The following PTPN2 variants were observed in gnomAD, a reference collection of about 807,000 sequenced individuals.
PTPN2 encodes the protein tyrosine-protein phosphatase non-receptor type 2.
Under a neutral mutation model 57.3 loss-of-function variants are expected in PTPN2, and 19 were observed. The observed-to-expected ratio is 0.33, with a 90% CI of 0.23 to 0.49. The LOEUF (loss-of-function observed/expected upper bound fraction) is 0.49. PTPN2 is among the 20% of genes least tolerant of loss of function. The pLI, the probability that PTPN2 is intolerant of heterozygous loss-of-function variation, is 0.99. For synonymous variants in PTPN2, 153 were observed against 164.9 expected, an observed-to-expected ratio of 0.93 and a Z score of 0.55; for missense variants, 358 against 501.1, an observed-to-expected ratio of 0.71 and a Z score of 2.73.
chr18:12,873,158 T>C (rs1434464228), intron 1 of PTPN2, among the ~76,000 whole-genome samples: 6 of 150,672 alleles, frequency 4.0e-5, no homozygotes, highest in African/African-American at 7.3e-5. Context: ...GAGGTGGAGG[T>C]TGCAGTGAGC....
downstream of PTPN2, among the ~76,000 whole-genome samples, chr18:12,790,757 AGT>A (rs1416828233): frequency 6.6e-6 from 1 of 152,240 alleles, no homozygotes; most frequent in Non-Finnish European, 1.5e-5. Flanking sequence ...CACCAACTTT[AGT>A]TTAAGACAAA....
Position 12,857,060 on chromosome 18 carries a change from C to CAAAA in PTPN2, c.160+2100_160+2103dup, listed in dbSNP as rs57221505. 8.8e-4 allele frequency among the ~76,000 whole-genome samples: 89 copies of CAAAA among 100,890 alleles called. 2 individuals carry two copies. The highest frequency in any genetic ancestry group is 1.4e-3 in the Admixed American group (12 of 8,276). 66.2% of individuals were successfully genotyped at this position (100,890 alleles called of 152,430 possible). A position where few individuals can be genotyped will look rare whatever the true frequency, so the allele number is the denominator to read the frequency against. On this transcript the variant is annotated intron_variant, in intron 2 of 8. Coordinates refer to ENST00000309660, the MANE Select transcript of PTPN2 (RefSeq NM_002828.4). Reference sequence around the variant, plus strand: ...TGGGTAACAGAGTGAGACACCATCTCAAAAAAAAAAAAAAAAAAATCCCAT... The same window carrying CAAAA: ...TGGGTAACAGAGTGAGACACCATCTCAAAAAAAAAAAAAAAAAAAAAAATCCCAT...
intron 3 of PTPN2, among the ~76,000 whole-genome samples, chr18:12,831,796 A>G (rs1453283033): frequency 3.3e-5 from 5 of 152,246 alleles, no homozygotes; most frequent in African/African-American, 4.8e-5. Flanking sequence ...AAGGGGCAAC[A>G]GTCCATGTTA....
chr18:12,817,235 T>C lies in PTPN2; in HGVS notation c.626A>G (p.His209Arg), dbSNP rs1324373480. 2.5e-6 allele frequency: 4 copies of C among 1,614,020 alleles called. No homozygotes were observed. Among genetic ancestry groups the C allele is most frequent in the African/African-American group, 2.7e-5 (2 of 74,904 alleles). Reference protein sequence around the residue: ...VRESGSLNPDHGPAVIHCSAG... With the variant: ...VRESGSLNPDRGPAVIHCSAG... ...ACTACAGTGGATCACCGCAGGCCCA[T>C]GGTCAGGGTTCAAGGAGCCAGATTC... Residue 209 changes from histidine (H) to arginine (R), a missense_variant, in exon 6 of 9, where the codon CAT (histidine) becomes CGT (arginine). His to Arg is a conservative substitution (Grantham distance 29). This residue lies in a region of PTPN2 where 193 missense variants were observed against 315.4 expected (regional missense o/e 0.61). Coordinates refer to ENST00000309660, the MANE Select transcript of PTPN2 (RefSeq NM_002828.4).
At chr18:12,823,117 A>C (rs1264434734) in intron 5 of PTPN2, among the ~76,000 whole-genome samples, 1 of 152,188 alleles carries the variant, frequency 6.6e-6, no homozygotes, top group Non-Finnish European at 1.5e-5. Context: ...TTATCCTTCT[A>C]AAGAATAAAG....
intron 1 of PTPN2, among the ~76,000 whole-genome samples, chr18:12,876,834 G>C (rs973084481): frequency 1.3e-5 from 2 of 152,208 alleles, no homozygotes; most frequent in Non-Finnish European, 2.9e-5. Flanking sequence ...CCCAGACACT[G>C]TTTTAAAGGC....
At chr18:12,795,161 T>C (rs530999276) in intron 8 of PTPN2, among the ~76,000 whole-genome samples, 163 of 152,348 alleles carry the variant, frequency 1.1e-3, no homozygotes, top group Non-Finnish European at 9.4e-4. Context: ...TCACGTTTGA[T>C]GGTTAAGGCT....
chr18:12,818,455 A>G (rs1443044500), intron 5 of PTPN2, among the ~76,000 whole-genome samples: 1 of 152,178 alleles, frequency 6.6e-6, no homozygotes, highest in East Asian at 1.9e-4. Context: ...CTGTCTCTTA[A>G]GCCTGCCTGG....
In PTPN2 at chr18:12,844,728, T is replaced by C. The variant is rs2145424432; in HGVS notation, c.161-7837A>G. On this transcript the variant is annotated intron_variant, in intron 2 of 8. Transcript: ENST00000309660. ...CTTTTTGTCCTCTTAACAGGGTGTT[T>C]TGAGGAGCAGAAGTTTTTTATTTCG... Among the ~76,000 whole-genome samples, 2 of 152,346 alleles carry C rather than the reference T, an allele frequency of 1.3e-5. 1 individual carries two copies. The highest frequency in any genetic ancestry group is 4.1e-4 in the South Asian group (2 of 4,828).
Position 12,825,785 on chromosome 18 carries a change from CAATTT to C in PTPN2, c.495+20_495+24del. The C allele has an allele frequency of 6.3e-7, 1 of 1,587,982 alleles. No homozygotes were observed. Among genetic ancestry groups the C allele is most frequent in the South Asian group, 1.2e-5 (1 of 86,954 alleles). ...TCTTTAAACCATCATATAAAGTCCA[CAATTT>C]CGGGCAAGAAAGGTCTTACATTGAT... On this transcript the variant is annotated intron_variant, in intron 5 of 8. Coordinates refer to ENST00000309660, the MANE Select transcript of PTPN2 (RefSeq NM_002828.4).
At chr18:12,881,721 G>A (rs2044672688) in intron 1 of PTPN2, among the ~76,000 whole-genome samples, 1 of 152,144 alleles carries the variant, frequency 6.6e-6, no homozygotes, top group South Asian at 2.1e-4. Context: ...CCTCCCTCGA[G>A]AAGCTTCACC....
chr18:12,883,033 G>C (rs890263543), intron 1 of PTPN2, among the ~76,000 whole-genome samples: 1 of 152,210 alleles, frequency 6.6e-6, no homozygotes, highest in African/African-American at 2.4e-5. Context: ...TAAAAAAAGC[G>C]AATCACAGGT....
intron 1 of PTPN2, among the ~76,000 whole-genome samples, chr18:12,878,024 T>C (rs888771868): frequency 4.5e-5 from 6 of 134,020 alleles, no homozygotes; most frequent in African/African-American, 1.7e-4. Context: ...AGCAAGACTG[T>C]CTCAAAAAAA....
chr18:12,878,034 A>G (rs897547745), intron 1 of PTPN2, among the ~76,000 whole-genome samples: 3 of 151,812 alleles, frequency 2.0e-5, no homozygotes, highest in African/African-American at 7.3e-5. Flanking sequence ...TCTCAAAAAA[A>G]GAAAAAGAAA....
Position 12,815,410 on chromosome 18 carries a change from C to CAAAT in PTPN2, c.706-1059_706-1056dup, listed in dbSNP as rs748715634. On this transcript the variant is annotated intron_variant, in intron 6 of 8. Coordinates refer to ENST00000309660, the MANE Select transcript of PTPN2 (RefSeq NM_002828.4). Reference sequence around the variant, plus strand: ...CTGGCAACAGAGCGAAACTTCGTCTCAAATAAATAAATAAATAAATAAATA... The same window carrying CAAAT: ...CTGGCAACAGAGCGAAACTTCGTCTCAAATAAATAAATAAATAAATAAATAAATA... Among the ~76,000 whole-genome samples the CAAAT allele has an allele frequency of 6.0e-4, 91 of 151,000 alleles. No individual in the cohort carries two copies. In the Middle Eastern group the frequency reaches 0.01, roughly 17 times the overall value.
chr18:12,809,897 G>T (rs2041831125), intron 7 of PTPN2, among the ~76,000 whole-genome samples: 1 of 152,112 alleles, frequency 6.6e-6, no homozygotes, highest in Non-Finnish European at 1.5e-5. Context: ...AAAGAAAAAG[G>T]CACGCCTGGC....
chr18:12,807,584 A>ATATATATAT (rs1555660747), intron 7 of PTPN2, among the ~76,000 whole-genome samples: 16 of 55,002 alleles, frequency 2.9e-4, no homozygotes, highest in South Asian at 1.4e-3. Flanking sequence ...AAAAAAAAAA[A>ATATATATAT]AAATATATAT....
At chr18:12,870,354 T>TATATATATGTATATATATAC (rs2044175200) in intron 1 of PTPN2, among the ~76,000 whole-genome samples, 3 of 46,738 alleles carry the variant, frequency 6.4e-5, no homozygotes, top group African/African-American at 1.4e-4. Flanking sequence ...TATATATGTG[T>TATATATATGTATATATATAC]ATATATATGT....
intron 1 of PTPN2, among the ~76,000 whole-genome samples, chr18:12,875,713 G>C (rs1007012014): frequency 6.6e-6 from 1 of 152,076 alleles, no homozygotes; most frequent in African/African-American, 2.4e-5. Flanking sequence ...TTTTAATTTC[G>C]CGTACCCAGA....
Sources: gnomAD v4.1 joint callset for allele counts (sites outside exome capture counted in the v4.1 genomes callset) on GRCh38, gnomAD v4.1.1 for gene constraint, gnomAD v4.1.1 regional missense constraint, MANE v1.5 for transcripts, NCBI Gene and HGNC (gene_info 2026-07-23, HGNC 2026-07-21) for gene names.